ANKFN1: variants seen among roughly 807,000 people sequenced by gnomAD.
ANKFN1 encodes ankyrin repeat and fibronectin type III domain containing 1, also known as ankyrin repeat and fibronectin type-III domain-containing protein 1.
ANKFN1 carries 74 observed loss-of-function variants against 108.7 expected under a neutral mutation model. That is an observed-to-expected ratio of 0.68 (90% CI 0.56 to 0.83). The LOEUF (loss-of-function observed/expected upper bound fraction) is 0.83, where lower values mean the gene tolerates loss of function less well. Among genes scored for constraint, ANKFN1 ranks in the 40% least tolerant of loss-of-function variants. The pLI, the probability that ANKFN1 is intolerant of heterozygous loss-of-function variation, is 0.00. For synonymous variants in ANKFN1, 547 were observed against 516.2 expected (o/e 1.06, Z -0.81); for missense variants, 1,505 against 1,382.3 (o/e 1.09, Z -1.41).
intron 8 of ANKFN1, among the ~76,000 whole-genome samples, chr17:56,395,137 G>T (rs1392780515): frequency 6.6e-6 from 1 of 152,142 alleles, no homozygotes; most frequent in Non-Finnish European, 1.5e-5. Flanking sequence ...TAGGGTTCCA[G>T]CAGAAAACAG....
chr17:56,176,196 G>A (rs1400645584), intron 1 of ANKFN1, among the ~76,000 whole-genome samples: 1 of 152,060 alleles, frequency 6.6e-6, no homozygotes, highest in Non-Finnish European at 1.5e-5. Flanking sequence ...AGGGGTTAAA[G>A]AGGCTAGGGA....
At chr17:56,315,390 C>T (rs1033310489) in intron 3 of ANKFN1, among the ~76,000 whole-genome samples, 3 of 152,304 alleles carry the variant, frequency 2.0e-5, no homozygotes, top group East Asian at 3.9e-4. Context: ...ATTTGACAGA[C>T]TGAGTTTGAG....
At chr17:56,200,946 T>C (rs1914002670) in intron 1 of ANKFN1, among the ~76,000 whole-genome samples, 1 of 152,204 alleles carries the variant, frequency 6.6e-6, no homozygotes, top group Non-Finnish European at 1.5e-5. Context: ...AAAGGATTAA[T>C]TTCTGTGGTA....
rs1391523183 is a variant in ANKFN1 at position 56,515,579 on chromosome 17, G to A, written c.*4310G>A. On this transcript the variant is annotated 3_prime_UTR_variant, in exon 21 of 21. Coordinates refer to ENST00000682825, the MANE Select transcript of ANKFN1 (RefSeq NM_001370326.1). ...GACTGTTAAGCTAAACTTCAATGCGGCCTTACAAACAACAAGGGTAGTGTA... is the reference window on the plus strand; with the variant it reads ...GACTGTTAAGCTAAACTTCAATGCGACCTTACAAACAACAAGGGTAGTGTA... 1.3e-5 allele frequency among the ~76,000 whole-genome samples: 2 copies of A among 152,166 alleles called. No homozygotes were observed. The highest frequency in any genetic ancestry group is 2.4e-5 in the African/African-American group (1 of 41,440).
chr17:56,135,960 G>A (rs1907576191), intron 4 of ANKFN1, among the ~76,000 whole-genome samples: 1 of 152,182 alleles, frequency 6.6e-6, no homozygotes, highest in Non-Finnish European at 1.5e-5. Context: ...AAATTCCACA[G>A]AGATTGTAGT....
Position 56,208,078 on chromosome 17 carries a change from T to G in ANKFN1, c.-70-4520T>G, listed in dbSNP as rs547555999. Among the ~76,000 whole-genome samples, 125 of 152,316 alleles carry G rather than the reference T, an allele frequency of 8.2e-4. No homozygotes were observed. In the South Asian group the frequency reaches 0.018, roughly 22 times the overall value. ...AGACTGGAGTGCTGTGGAGCGATTTTGGCTTGCTGCAACCTCCACCTCCCG... is the reference window on the plus strand; with the variant it reads ...AGACTGGAGTGCTGTGGAGCGATTTGGGCTTGCTGCAACCTCCACCTCCCG... On this transcript the variant is annotated intron_variant, in intron 1 of 20. Coordinates refer to ENST00000682825, the MANE Select transcript of ANKFN1 (RefSeq NM_001370326.1).
At chr17:56,472,517 C>G (rs1311753086) in intron 15 of ANKFN1, 3 of 152,302 alleles carry the variant, frequency 2.0e-5, no homozygotes, top group Admixed American at 2.0e-4. Flanking sequence ...GAAGACCAGC[C>G]CCAGACCCCA....
At position 56,482,785 on chromosome 17, in the gene ANKFN1, G is replaced by A. The variant is rs550065045; in HGVS notation, c.2260+261G>A. On this transcript the variant is annotated intron_variant, in intron 18 of 20. Transcript: ENST00000682825. ...AACAGAAAGTTCAGTTATCAGGCTG[G>A]ACTTCTTGCCTCCCTTCTGCTTTCT... is the stretch of plus-strand genomic sequence containing the variant. 6.3e-5 allele frequency: 22 copies of A among 349,290 alleles called. No individual in the cohort carries two copies. The East Asian group carries it at 9.2e-4, about 15-fold the overall frequency. The allele number at this position is 349,290 out of a possible 1,614,324, so 21.6% of individuals were successfully genotyped here.
chr17:56,335,426 G>A (rs1226647405), intron 4 of ANKFN1, among the ~76,000 whole-genome samples: 2 of 152,034 alleles, frequency 1.3e-5, no homozygotes, highest in East Asian at 3.9e-4. Context: ...CCTTGAAGAG[G>A]CCCTTCACTT....
intron 15 of ANKFN1, chr17:56,472,233 T>C (rs1341649764): frequency 2.0e-5 from 3 of 152,206 alleles, no homozygotes; most frequent in Non-Finnish European, 4.4e-5. Context: ...TAAAGTCTTT[T>C]TATTTTTATA....
chr17:56,452,871 A>C (rs2049540771), intron 11 of ANKFN1, among the ~76,000 whole-genome samples: 1 of 152,084 alleles, frequency 6.6e-6, no homozygotes, highest in Admixed American at 6.5e-5. Context: ...CTGTACTTTT[A>C]CTTCTGCTGG....
chr17:56,401,082 T>C (rs1282334003), intron 8 of ANKFN1, among the ~76,000 whole-genome samples: 1 of 152,168 alleles, frequency 6.6e-6, no homozygotes, highest in Non-Finnish European at 1.5e-5. Flanking sequence ...TCTTTTTTGG[T>C]TCCACATGAA....
chr17:56,374,530 T>C, intron 7 of ANKFN1, 71 bp from the exon 8 acceptor site: 6 of 1,146,360 alleles, frequency 5.2e-6, no homozygotes, highest in Non-Finnish European at 7.8e-6. Flanking sequence ...GGGTATCCTT[T>C]GAAGAGGGAG....
chr17:56,515,551 T>C lies in ANKFN1; in HGVS notation c.*4282T>C, dbSNP rs949684221. ...TCATAAGATGTTCAAACACATGGCT[T>C]ATGACTGTTAAGCTAAACTTCAATG... On this transcript the variant is annotated 3_prime_UTR_variant, in exon 21 of 21. Coordinates refer to ENST00000682825, the MANE Select transcript of ANKFN1 (RefSeq NM_001370326.1). Among the ~76,000 whole-genome samples the C allele has an allele frequency of 7.2e-5, 11 of 152,216 alleles. No individual in the cohort carries two copies. The highest frequency in any genetic ancestry group is 2.6e-4 in the Admixed American group (4 of 15,280).
At chr17:56,491,171 T>C (rs1172182686) in intron 18 of ANKFN1, among the ~76,000 whole-genome samples, 2 of 152,136 alleles carry the variant, frequency 1.3e-5, no homozygotes, top group Non-Finnish European at 2.9e-5. Context: ...CTAGAATTCC[T>C]CACTAAAGAA....
At chr17:56,453,530 C>G (rs1308766923) in intron 11 of ANKFN1, among the ~76,000 whole-genome samples, 1 of 152,162 alleles carries the variant, frequency 6.6e-6, no homozygotes, top group Non-Finnish European at 1.5e-5. Context: ...CTCTGTCCTG[C>G]TCCAGTCTAG....
intron 3 of ANKFN1, among the ~76,000 whole-genome samples, chr17:56,265,885 CAGTT>C (rs2043635879): frequency 6.6e-6 from 1 of 151,934 alleles, no homozygotes; most frequent in East Asian, 1.9e-4. Context: ...TTTCAGTCCT[CAGTT>C]GGTTGAATCC....
At chr17:56,142,869 C>T (rs2143400446) in intron 4 of ANKFN1, among the ~76,000 whole-genome samples, 1 of 152,306 alleles carries the variant, frequency 6.6e-6, no homozygotes, top group South Asian at 2.1e-4. Flanking sequence ...CCACCCTACT[C>T]ACACTCCACA....
At chr17:56,500,809 G>T (rs1332682615) in intron 20 of ANKFN1, among the ~76,000 whole-genome samples, 2 of 152,130 alleles carry the variant, frequency 1.3e-5, no homozygotes, top group Non-Finnish European at 2.9e-5. Context: ...CTATGTGCCA[G>T]GCTCTCTTCG....
Sources: allele counts gnomAD v4.1 joint callset (sites outside exome capture counted in the v4.1 genomes callset), GRCh38; gene constraint gnomAD v4.1.1; transcripts MANE v1.5; gene names NCBI Gene and HGNC (gene_info 2026-07-23, HGNC 2026-07-21).